SBF2: variants seen among roughly 807,000 people sequenced by gnomAD.
The protein encoded by SBF2 is myotubularin-related protein 13.
SBF2 carries 112 observed loss-of-function variants against 225.2 expected under a neutral mutation model. The ratio of observed to expected loss-of-function variants is 0.50; its 90% CI spans 0.43 to 0.58. The LOEUF is 0.58. SBF2 is among the 20% of genes least tolerant of loss of function. The pLI is 0.00. For missense variants in SBF2, 1,996 were observed against 2,206.2 expected (o/e 0.90, Z 1.91); for synonymous variants, 763 against 773.3 (o/e 0.99, Z 0.22).
At chr11:9,963,055 T>C (rs1027622848) in intron 15 of SBF2, among the ~76,000 whole-genome samples, 4 of 152,240 alleles carry the variant, frequency 2.6e-5, no homozygotes, top group East Asian at 1.9e-4. Context: ...GCATGTTTCA[T>C]TGAAGAAGGC....
At chr11:10,228,400 A>T (rs1337235704) in intron 1 of SBF2, among the ~76,000 whole-genome samples, 3 of 152,186 alleles carry the variant, frequency 2.0e-5, no homozygotes, top group African/African-American at 7.2e-5. Context: ...GTCTTGTGCC[A>T]GTTTTCAAAA....
chr11:9,785,719 G>A (rs2133851112), intron 36 of SBF2, among the ~76,000 whole-genome samples: 1 of 152,266 alleles, frequency 6.6e-6, no homozygotes, highest in South Asian at 2.1e-4. Context: ...TTAAAAATGA[G>A]CCAGGTATGG....
chr11:9,793,777 T>C (rs1040379022), intron 33 of SBF2, among the ~76,000 whole-genome samples: 7 of 152,178 alleles, frequency 4.6e-5, no homozygotes, highest in African/African-American at 9.7e-5. Context: ...TGCCTGGACC[T>C]TGGAAGTTTT....
chr11:9,961,896 T>C, intron 16 of SBF2, 61 bp downstream of exon 16: 3 of 1,532,336 alleles, frequency 2.0e-6, no homozygotes, highest in Non-Finnish European at 2.7e-6. Flanking sequence ...TTACAAAATA[T>C]TCTGGAAAAA....
intron 9 of SBF2, among the ~76,000 whole-genome samples, chr11:9,994,336 G>A (rs540962647): frequency 8.6e-5 from 13 of 151,840 alleles, no homozygotes; most frequent in South Asian, 2.1e-4. Flanking sequence ...TTAGCCGGGC[G>A]TGGTGGTGGG....
At position 10,175,524 on chromosome 11, in the gene SBF2, G is replaced by A. The variant is rs1400645213; in HGVS notation, c.141+18378C>T. Among the ~76,000 whole-genome samples, 6 of 151,718 alleles carry A rather than the reference G, an allele frequency of 4.0e-5. No individual in the cohort carries two copies. In the South Asian group the frequency reaches 6.4e-4, roughly 16 times the overall value. ...CAGATTCATAAAGCAAGTCCTGAGCGACCTACAAAGAGACTTAGACTCCCA... is the reference window on the plus strand; with the variant it reads ...CAGATTCATAAAGCAAGTCCTGAGCAACCTACAAAGAGACTTAGACTCCCA... On this transcript the variant is annotated intron_variant, in intron 2 of 39. Coordinates refer to ENST00000256190, the MANE Select transcript of SBF2 (RefSeq NM_030962.4).
At chr11:9,999,936 A>G (rs1245496406) in intron 8 of SBF2, among the ~76,000 whole-genome samples, 1 of 152,240 alleles carries the variant, frequency 6.6e-6, no homozygotes, top group Non-Finnish European at 1.5e-5. Context: ...AGAATTACAA[A>G]ATCTTAGGGA....
chr11:9,801,395 T>G (rs2133883670), intron 32 of SBF2, among the ~76,000 whole-genome samples: 1 of 152,268 alleles, frequency 6.6e-6, no homozygotes, highest in East Asian at 1.9e-4. Flanking sequence ...TGCCATTAAG[T>G]ACTTTGTAAA....
At chr11:10,006,808 G>A (rs1948214364) in intron 6 of SBF2, among the ~76,000 whole-genome samples, 1 of 152,166 alleles carries the variant, frequency 6.6e-6, no homozygotes, top group Non-Finnish European at 1.5e-5. Flanking sequence ...TTTGAAGGGA[G>A]GGAAGTTCAG....
Position 10,096,756 on chromosome 11 carries a change from A to G in SBF2, c.142-53775T>C, listed in dbSNP as rs376356725. On this transcript the variant is annotated intron_variant, in intron 2 of 39. Coordinates refer to ENST00000256190, the MANE Select transcript of SBF2 (RefSeq NM_030962.4). ...GACAATAATAATGCACTTTTTTATC[A>G]CCTTGCAATGAGTCATTACTTTTTC... Among the ~76,000 whole-genome samples, 14 of 152,280 alleles carry G rather than the reference A, an allele frequency of 9.2e-5. 1 individual carries two copies. The highest frequency in any genetic ancestry group is 3.4e-4 in the African/African-American group (14 of 41,566).
chr11:10,056,095 A>G (rs1464285331), intron 2 of SBF2, among the ~76,000 whole-genome samples: 1 of 152,126 alleles, frequency 6.6e-6, no homozygotes, highest in Non-Finnish European at 1.5e-5. Context: ...GATGAAGACC[A>G]CAGAAGAAAA....
intron 3 of SBF2, among the ~76,000 whole-genome samples, chr11:10,032,888 T>C (rs1303201937): frequency 6.6e-6 from 1 of 152,196 alleles, no homozygotes; most frequent in Non-Finnish European, 1.5e-5. Context: ...GGAAGTCTTT[T>C]CCCCCCTATT....
intron 29 of SBF2, among the ~76,000 whole-genome samples, chr11:9,815,207 G>A (rs1463718992): frequency 1.3e-5 from 2 of 150,028 alleles, no homozygotes; most frequent in African/African-American, 4.9e-5. Context: ...TGGGAGGCCA[G>A]GGCGGGTGGA....
At position 9,971,549 on chromosome 11, in the gene SBF2, C is replaced by A. The variant is rs190462892; in HGVS notation, c.1396-3004G>T. 1.2e-3 allele frequency among the ~76,000 whole-genome samples: 177 copies of A among 152,106 alleles called. 1 individual carries two copies. Among genetic ancestry groups the A allele is most frequent in the African/African-American group, 4.2e-3 (173 of 41,474 alleles). The stretch of plus-strand genomic sequence containing the variant: ...AAAAAATTAGCCAGGCATGGTGGTG[C>A]CTGCCCATGGTCCCAGCTACTCAGG... On this transcript the variant is annotated intron_variant, in intron 13 of 39. Coordinates refer to ENST00000256190, the MANE Select transcript of SBF2 (RefSeq NM_030962.4).
At chr11:9,991,207 G>T (rs1947418180) in intron 12 of SBF2, among the ~76,000 whole-genome samples, 1 of 152,146 alleles carries the variant, frequency 6.6e-6, no homozygotes, top group Non-Finnish European at 1.5e-5. Flanking sequence ...TAATATTAGA[G>T]AATCAATGAC....
intron 13 of SBF2, among the ~76,000 whole-genome samples, chr11:9,972,044 A>C (rs6483859): frequency 6.6e-6 from 1 of 152,104 alleles, no homozygotes; most frequent in Admixed American, 6.5e-5. Context: ...GTAGTATAAC[A>C]AAGTATTTTT....
chr11:9,780,799 A>G (rs2133840080), intron 39 of SBF2: 4 of 430,162 alleles, frequency 9.3e-6, no homozygotes, highest in South Asian at 8.4e-5. Flanking sequence ...AGGAAGGGTC[A>G]GCAATGAATG....
intron 1 of SBF2, among the ~76,000 whole-genome samples, chr11:10,239,746 C>A (rs570089929): frequency 6.6e-6 from 1 of 151,754 alleles, no homozygotes; most frequent in South Asian, 2.1e-4. Context: ...CAAGAGAAAA[C>A]GCAAAATGCA....
At chr11:9,884,034 AT>A (rs1341403636) in intron 17 of SBF2, among the ~76,000 whole-genome samples, 2 of 152,198 alleles carry the variant, frequency 1.3e-5, no homozygotes, top group African/African-American at 4.8e-5. Flanking sequence ...TACTTCTGGA[AT>A]TTTTAAGACA....
Sources: gnomAD v4.1 joint callset for allele counts (sites outside exome capture counted in the v4.1 genomes callset) on GRCh38, gnomAD v4.1.1 for gene constraint, MANE v1.5 for transcripts, NCBI Gene and HGNC (gene_info 2026-07-23, HGNC 2026-07-21) for gene names.